TMED2: variants seen among roughly 807,000 people sequenced by gnomAD.
TMED2 encodes the protein transmembrane emp24 domain-containing protein 2.
In TMED2, 3 loss-of-function variants were observed where a neutral mutation model predicts 17.5. The observed-to-expected ratio is 0.17, with a 90% CI of 0.08 to 0.44. The LOEUF is 0.44. Ranked by LOEUF, TMED2 falls within the 20% of genes least tolerant of loss-of-function variation. The pLI is 0.99. For missense variants in TMED2, 149 were observed against 254.8 expected, an observed-to-expected ratio of 0.58 and a Z score of 2.83; for synonymous variants, 95 against 91.0, an observed-to-expected ratio of 1.04 and a Z score of -0.25.
chr12:123,592,983 A>T (rs775313792), intron 3 of TMED2, among the ~76,000 whole-genome samples: 8 of 152,052 alleles, frequency 5.3e-5, no homozygotes, highest in Non-Finnish European at 8.8e-5. Flanking sequence ...AGGCAGGCGA[A>T]TAACGAGGTC....
chr12:123,595,141 A>G (rs146031440), intron 3 of TMED2, among the ~76,000 whole-genome samples: 5 of 152,098 alleles, frequency 3.3e-5, no homozygotes, highest in Non-Finnish European at 5.9e-5. Context: ...AGACAGGAGA[A>G]TCACTTGAAC....
chr12:123,588,298 TTCAG>T (rs1050102413), intron 2 of TMED2, among the ~76,000 whole-genome samples: 1 of 152,170 alleles, frequency 6.6e-6, no homozygotes, highest in Non-Finnish European at 1.5e-5. Context: ...CTCCCAGATA[TTCAG>T]TATCAGTAGA....
At chr12:123,589,858 A>C (rs1325579956) in intron 2 of TMED2, among the ~76,000 whole-genome samples, 1 of 152,062 alleles carries the variant, frequency 6.6e-6, no homozygotes, top group Non-Finnish European at 1.5e-5. Flanking sequence ...AATGGTAGTC[A>C]GGCATAGTGA....
intron 3 of TMED2, among the ~76,000 whole-genome samples, chr12:123,593,024 C>T (rs1159460619): frequency 2.0e-5 from 3 of 152,138 alleles, no homozygotes; most frequent in Non-Finnish European, 2.9e-5. Context: ...GCCAAGAGAA[C>T]AGCCTGGCCA....
At chr12:123,585,158 C>T in intron 1 of TMED2, 1 of 254,944 alleles carries the variant, frequency 3.9e-6, no homozygotes, top group South Asian at 5.1e-5. Context: ...AGGCGCTTCT[C>T]AGTCACAGTT....
chr12:123,585,966 T>C (rs1374583803), intron 1 of TMED2: 1 of 152,242 alleles, frequency 6.6e-6, no homozygotes, highest in African/African-American at 2.4e-5. Context: ...TATTACCTCA[T>C]GGTTTCTGTG....
At chr12:123,589,624 T>C (rs975968366) in intron 2 of TMED2, among the ~76,000 whole-genome samples, 2 of 152,304 alleles carry the variant, frequency 1.3e-5, no homozygotes, top group African/African-American at 4.8e-5. Flanking sequence ...GAAGGGACTT[T>C]TAAAAATGCT....
intron 2 of TMED2, chr12:123,587,608 T>C (rs1342160140): frequency 4.7e-6 from 6 of 1,278,678 alleles, no homozygotes; most frequent in Non-Finnish European, 6.1e-6. Flanking sequence ...AACTTTTCTT[T>C]AGGTGGTGGA....
intron 3 of TMED2, among the ~76,000 whole-genome samples, chr12:123,591,618 C>A (rs1593639647): frequency 6.6e-6 from 1 of 152,084 alleles, no homozygotes; most frequent in Admixed American, 6.6e-5. Context: ...CCCACCTCTA[C>A]TAAAACTACA....
In TMED2 at chr12:123,586,848, T is replaced by C; in HGVS notation, c.282T>C (p.Phe94=). The change falls in exon 2 of 4, where the codon TTT becomes TTC. Residue 94 remains phenylalanine, a synonymous_variant. Coordinates refer to ENST00000262225, the MANE Select transcript of TMED2 (RefSeq NM_006815.4). ...TGGATGGAACATACAAATTTTGTTT[T>C]AGTAACCGGATGTCCACCATGACTC... is the stretch of plus-strand genomic sequence containing the variant. The part of the protein sequence containing the change: ...AHMDGTYKFC[F]SNRMSTMTPK... 3 of 1,613,844 alleles carry C rather than the reference T, an allele frequency of 1.9e-6. No individual in the cohort carries two copies. The highest frequency in any genetic ancestry group is 1.7e-6 in the Non-Finnish European group (2 of 1,179,916).
In TMED2 at chr12:123,585,703, A is replaced by G. The variant is rs571223387; in HGVS notation, c.180+887A>G. 5 of 152,326 alleles carry G rather than the reference A, an allele frequency of 3.3e-5. No individual in the cohort carries two copies. The South Asian group carries it at 6.2e-4, about 19-fold the overall frequency. The allele number at this position is 152,326 out of a possible 1,614,324, so 9.4% of individuals were successfully genotyped here. A position where few individuals can be genotyped will look rare whatever the true frequency, so the allele number is the denominator to read the frequency against. ...CACTTAGCTAAGAATTTAGCGATCA[A>G]CTATTACAGTCTCGAAGTTATGCAA... On this transcript the variant is annotated intron_variant, in intron 1 of 3. Coordinates refer to ENST00000262225, the MANE Select transcript of TMED2 (RefSeq NM_006815.4).
intron 3 of TMED2, among the ~76,000 whole-genome samples, chr12:123,595,066 T>G: frequency 6.6e-6 from 1 of 151,856 alleles, no homozygotes; most frequent in Middle Eastern, 3.4e-3. Flanking sequence ...CTATCTCTAC[T>G]AAAAATACAA....
At chr12:123,590,552 G>A in intron 3 of TMED2, 103 bp downstream of exon 3, 1 of 882,090 alleles carries the variant, frequency 1.1e-6, no homozygotes, top group East Asian at 3.0e-5. Context: ...CAAATTTTAT[G>A]TGAAAGCATT....
Position 123,595,548 on chromosome 12 carries a change from T to C in TMED2, c.482-1057T>C, listed in dbSNP as rs139320413. ...TAAATAATTGCATTTTGGATAACTG[T>C]GATTTTGAAATAATTCCTTAATTTT... On this transcript the variant is annotated intron_variant, in intron 3 of 3. Transcript: ENST00000262225. Among the ~76,000 whole-genome samples the C allele has an allele frequency of 3.2e-3, 487 of 152,274 alleles. 5 individuals carry two copies. Among genetic ancestry groups the C allele is most frequent in the African/African-American group, 0.011 (462 of 41,556 alleles).
intron 3 of TMED2, among the ~76,000 whole-genome samples, chr12:123,595,965 G>T (rs1953427851): frequency 6.6e-6 from 1 of 152,220 alleles, no homozygotes; most frequent in Non-Finnish European, 1.5e-5. Flanking sequence ...GTTCAAGGTT[G>T]CAGTGAACTA....
intron 2 of TMED2, chr12:123,587,776 TA>T (rs1235459660): frequency 2.9e-5 from 19 of 652,108 alleles, no homozygotes; most frequent in East Asian, 1.9e-4. Context: ...ATTGGATTGA[TA>T]TTTTTTTTGG....
intron 1 of TMED2, 52 bp downstream of exon 1, chr12:123,584,868 T>C: frequency 1.3e-6 from 2 of 1,592,302 alleles, no homozygotes; most frequent in Admixed American, 1.7e-5. Flanking sequence ...CACTCGGGGA[T>C]TGGTGGCACC....
At chr12:123,588,798 A>G (rs375454095) in intron 2 of TMED2, among the ~76,000 whole-genome samples, 3 of 152,208 alleles carry the variant, frequency 2.0e-5, no homozygotes, top group East Asian at 1.9e-4. Context: ...GCCCCACAGC[A>G]TAGAAAAGCA....
At chr12:123,588,384 A>G (rs1003081624) in intron 2 of TMED2, among the ~76,000 whole-genome samples, 1 of 152,140 alleles carries the variant, frequency 6.6e-6, no homozygotes, top group Non-Finnish European at 1.5e-5. Flanking sequence ...GAGTCCTACT[A>G]CTTAGTAATT....
Sources: allele counts gnomAD v4.1 joint callset (sites outside exome capture counted in the v4.1 genomes callset), GRCh38; gene constraint gnomAD v4.1.1; transcripts MANE v1.5; gene names NCBI Gene and HGNC (gene_info 2026-07-23, HGNC 2026-07-21).